Variants in IRAK1BP1 observed in about 807,000 individuals in gnomAD.
IRAK1BP1 encodes the protein interleukin-1 receptor-associated kinase 1-binding protein 1.
A neutral mutation model predicts 28.0 loss-of-function variants in IRAK1BP1; 24 were observed. The ratio of observed to expected loss-of-function variants is 0.86; its 90% CI spans 0.62 to 1.20. IRAK1BP1 has a LOEUF of 1.20. IRAK1BP1 is among the 50% of genes most tolerant of loss of function. The pLI is 0.00. For synonymous variants in IRAK1BP1, 131 were observed against 116.3 expected, an observed-to-expected ratio of 1.13 and a Z score of -0.81; for missense variants, 336 against 316.7, an observed-to-expected ratio of 1.06 and a Z score of -0.46.
the IRAK1BP1 span, chr6:78,963,330 CAGTCACAAAATTAA>C: frequency 8.9e-7 from 1 of 1,121,722 alleles, no homozygotes. Context: ...GTAAAAATAA[CAGTCACAAAATTAA>C]AGTATATTTT....
chr6:78,947,818 A>G (rs549294543), downstream of IRAK1BP1: 72 of 1,404,382 alleles, frequency 5.1e-5, no homozygotes, highest in Non-Finnish European at 6.4e-5. Context: ...ATTACTACAC[A>G]AAGCATCACT....
At chr6:78,893,310 G>GTA (rs1562085762) in intron 2 of IRAK1BP1, among the ~76,000 whole-genome samples, 19 of 71,124 alleles carry the variant, frequency 2.7e-4, no homozygotes, top group Non-Finnish European at 3.1e-4. Context: ...GTGTGTGTGT[G>GTA]TGTGTATATA....
intron 4 of IRAK1BP1, among the ~76,000 whole-genome samples, chr6:78,924,242 C>T (rs1242789534): frequency 2.0e-5 from 3 of 152,144 alleles, no homozygotes; most frequent in Non-Finnish European, 4.4e-5. Flanking sequence ...GATATCACCA[C>T]TGATGCCACA....
At chr6:78,904,683 A>G (rs1772216167), downstream of IRAK1BP1, among the ~76,000 whole-genome samples, 1 of 152,222 alleles carries the variant, frequency 6.6e-6, no homozygotes, top group Non-Finnish European at 1.5e-5. Flanking sequence ...ATAACAATTC[A>G]GATAAATCAA....
chr6:78,877,254 T>C (rs1309319008), intron 1 of IRAK1BP1, among the ~76,000 whole-genome samples: 1 of 152,180 alleles, frequency 6.6e-6, no homozygotes, highest in African/African-American at 2.4e-5. Context: ...GGTCTGTTAG[T>C]TTCTGTTAGA....
chr6:78,879,840 G>A (rs984147953), intron 1 of IRAK1BP1, among the ~76,000 whole-genome samples: 2 of 152,266 alleles, frequency 1.3e-5, no homozygotes, highest in South Asian at 2.1e-4. Context: ...TGCAACAGAA[G>A]GACTCAGTCC....
rs565569059 is a variant in IRAK1BP1 at position 78,883,129 on chromosome 6, G to A, written c.316-2249G>A. On this transcript the variant is annotated intron_variant, in intron 1 of 3. Coordinates refer to ENST00000369940, the MANE Select transcript of IRAK1BP1 (RefSeq NM_001010844.4). Reference sequence around the variant, plus strand: ...TTAGAAAATCTGGGCATGGTGGTATGTGCCTGTTATCCTCCTAGCTACTCA... The same window carrying A: ...TTAGAAAATCTGGGCATGGTGGTATATGCCTGTTATCCTCCTAGCTACTCA... Among the ~76,000 whole-genome samples, 3 of 152,024 alleles carry A rather than the reference G, an allele frequency of 2.0e-5. No homozygotes were observed. In the East Asian group the frequency reaches 5.8e-4, roughly 29 times the overall value.
rs1770636958 is a variant in IRAK1BP1, at chr6:78,867,841, T to A, written c.265T>A (p.Cys89Ser). Residue 89 changes from cysteine (C) to serine (S), a missense_variant, in exon 1 of 4, where the codon TGT (cysteine) becomes AGT (serine). Coordinates refer to ENST00000369940, the MANE Select transcript of IRAK1BP1 (RefSeq NM_001010844.4). ...EAAAEAKKSV[C>S]RRLDYITQSL... ...GGCAGCCGAGGCCAAAAAGAGCGTT[T>A]GTCGCCGTCTAGATTACATCACGCA... 6.2e-7 allele frequency: 1 copy of A among 1,610,658 alleles called. No homozygotes were observed. Among genetic ancestry groups the A allele is most frequent in the African/African-American group, 1.3e-5 (1 of 74,992 alleles).
At chr6:78,964,408 G>T in the IRAK1BP1 span, among the ~76,000 whole-genome samples, 7 of 152,114 alleles carry the variant, frequency 4.6e-5, no homozygotes, top group Non-Finnish European at 7.4e-5. Flanking sequence ...ATTAATAAAA[G>T]ATTATTTCTA....
intron 2 of IRAK1BP1, among the ~76,000 whole-genome samples, chr6:78,886,786 C>T (rs1334470941): frequency 6.6e-6 from 1 of 152,176 alleles, no homozygotes; most frequent in African/African-American, 2.4e-5. Context: ...AGAAAGAGAG[C>T]ATTAGAGCTG....
chr6:78,893,314 G>GTATATATATATATATATATATATATA (rs60728695), intron 2 of IRAK1BP1, among the ~76,000 whole-genome samples: 4 of 103,430 alleles, frequency 3.9e-5, no homozygotes, highest in Non-Finnish European at 7.7e-5. Context: ...GTGTGTGTGT[G>GTATATATATATATATATATATATATA]TATATATATA....
chr6:78,946,242 C>A, exon 5 of IRAK1BP1: 1 of 1,612,984 alleles, frequency 6.2e-7, no homozygotes, highest in Non-Finnish European at 8.5e-7. Context: ...GTTTTAAGAT[C>A]CTTTTTTTCC....
At chr6:78,892,892 T>C (rs1771714686) in intron 2 of IRAK1BP1, among the ~76,000 whole-genome samples, 1 of 151,950 alleles carries the variant, frequency 6.6e-6, no homozygotes, top group Non-Finnish European at 1.5e-5. Flanking sequence ...AAAAGAAAGA[T>C]GTAAAAACGA....
At chr6:78,881,455 CTT>C (rs113603306) in intron 1 of IRAK1BP1, among the ~76,000 whole-genome samples, 64 of 152,232 alleles carry the variant, frequency 4.2e-4, no homozygotes, top group African/African-American at 1.4e-3. Context: ...ACATACATGA[CTT>C]TATGCATTTG....
At chr6:78,960,948 A>G in the IRAK1BP1 span, among the ~76,000 whole-genome samples, 1 of 152,290 alleles carries the variant, frequency 6.6e-6, no homozygotes, top group African/African-American at 2.4e-5. Context: ...CTGGTCACAA[A>G]AACTTTTAAT....
the IRAK1BP1 span, among the ~76,000 whole-genome samples, chr6:78,972,007 G>A: frequency 3.3e-5 from 5 of 152,062 alleles, no homozygotes; most frequent in East Asian, 7.7e-4. Flanking sequence ...CGGGAAGCTC[G>A]AACTGGGTGG....
chr6:78,935,754 T>C (rs1773251879), intron 4 of IRAK1BP1: 3 of 985,192 alleles, frequency 3.0e-6, no homozygotes, highest in Non-Finnish European at 3.6e-6. Flanking sequence ...TACATAATGG[T>C]ATCTGCCATA....
At chr6:78,890,993 C>T (rs1669229527) in intron 2 of IRAK1BP1, among the ~76,000 whole-genome samples, 1 of 152,078 alleles carries the variant, frequency 6.6e-6, no homozygotes, top group South Asian at 2.1e-4. Context: ...AACAGGAGTT[C>T]CCAGGTAATG....
the IRAK1BP1 span, among the ~76,000 whole-genome samples, chr6:78,975,724 C>T: frequency 6.6e-6 from 1 of 152,080 alleles, no homozygotes; most frequent in Non-Finnish European, 1.5e-5. Flanking sequence ...TTCCTATACA[C>T]CAACAACGGA....
Sources: gnomAD v4.1 joint callset for allele counts (sites outside exome capture counted in the v4.1 genomes callset) on GRCh38, gnomAD v4.1.1 for gene constraint, MANE v1.5 for transcripts, NCBI Gene and HGNC (gene_info 2026-07-23, HGNC 2026-07-21) for gene names.